The following ISM1 variants were observed in gnomAD, a reference collection of about 807,000 sequenced individuals.
ISM1 encodes isthmin-1.
Under a neutral mutation model 46.3 loss-of-function variants are expected in ISM1, and 25 were observed. The ratio of observed to expected loss-of-function variants is 0.54; its 90% confidence interval spans 0.39 to 0.75. The LOEUF is 0.75. Among genes scored for constraint, ISM1 ranks in the 30% least tolerant of loss-of-function variants. The pLI is 0.00. For missense variants in ISM1, 536 were observed against 625.4 expected, an observed-to-expected ratio of 0.86 and a Z score of 1.52; for synonymous variants, 255 against 256.7, an observed-to-expected ratio of 0.99 and a Z score of 0.06.
chr20:13,289,847 G>A (rs1224674234), intron 4 of ISM1, among the ~76,000 whole-genome samples: 1 of 152,154 alleles, frequency 6.6e-6, no homozygotes, highest in Admixed American at 6.5e-5. Context: ...ATATCTTAGA[G>A]CCTTTCAAGA....
chr20:13,229,534 T>C (rs1161482972), intron 1 of ISM1, among the ~76,000 whole-genome samples: 1 of 152,242 alleles, frequency 6.6e-6, no homozygotes, highest in African/African-American at 2.4e-5. Flanking sequence ...GATAGTCCAC[T>C]GTGTAACTCT....
At position 13,235,636 on chromosome 20, in the gene ISM1, C is replaced by T. The variant is rs143369647; in HGVS notation, c.138+13722C>T. On this transcript the variant is annotated intron_variant, in intron 1 of 5. Transcript: ENST00000262487. ...TGGGTTGCTCTGGCAGCACATGATT[C>T]GGCCCCCACCAAGGGTTGTTTCTGA... Among the ~76,000 whole-genome samples the T allele has an allele frequency of 4.2e-3, 647 of 152,280 alleles. 2 individuals are homozygous for T. The highest frequency in any genetic ancestry group is 0.015 in the African/African-American group (616 of 41,558).
chr20:13,312,106 T>C, the ISM1 span, among the ~76,000 whole-genome samples: 45 of 152,334 alleles, frequency 3.0e-4, no homozygotes, highest in Non-Finnish European at 5.9e-4. Flanking sequence ...TCTTAAAGTG[T>C]TGATACGAGT....
At chr20:13,263,550 A>G (rs918758882) in intron 1 of ISM1, among the ~76,000 whole-genome samples, 4 of 152,178 alleles carry the variant, frequency 2.6e-5, no homozygotes, top group African/African-American at 9.7e-5. Flanking sequence ...AAATGGCAAA[A>G]CTTTTGCTCT....
the ISM1 span, among the ~76,000 whole-genome samples, chr20:13,306,162 G>C: frequency 2.2e-4 from 34 of 152,264 alleles, no homozygotes; most frequent in Non-Finnish European, 4.3e-4. Context: ...TGTCATATTT[G>C]AATTGGGAAA....
chr20:13,263,985 C>G (rs893673811), intron 1 of ISM1, among the ~76,000 whole-genome samples: 10 of 152,010 alleles, frequency 6.6e-5, no homozygotes, highest in Admixed American at 5.9e-4. Flanking sequence ...TCTTTAGAAT[C>G]CCACATAAAA....
At chr20:13,316,595 A>C in the ISM1 span, among the ~76,000 whole-genome samples, 1 of 152,016 alleles carries the variant, frequency 6.6e-6, no homozygotes, top group Admixed American at 6.6e-5. Flanking sequence ...CCCCATGACC[A>C]AGTGGGATTT....
chr20:13,311,250 TAGATA>T, the ISM1 span, among the ~76,000 whole-genome samples: 3,001 of 127,582 alleles, frequency 0.024, 36 homozygotes, highest in Middle Eastern at 0.055. Context: ...AGATGATAGA[TAGATA>T]GATAGATAGA....
intron 1 of ISM1, among the ~76,000 whole-genome samples, chr20:13,223,718 C>A (rs190885335): frequency 5.3e-5 from 8 of 152,260 alleles, no homozygotes; most frequent in Admixed American, 3.9e-4. Flanking sequence ...AATTTCTATG[C>A]GGAAGTTGAA....
At chr20:13,311,063 G>A in the ISM1 span, among the ~76,000 whole-genome samples, 25 of 152,094 alleles carry the variant, frequency 1.6e-4, no homozygotes, top group East Asian at 3.9e-4. Context: ...GCATGGTGGC[G>A]GGTGCCTGTA....
the ISM1 span, among the ~76,000 whole-genome samples, chr20:13,311,705 G>A: frequency 6.6e-6 from 1 of 152,126 alleles, no homozygotes; most frequent in Non-Finnish European, 1.5e-5. Context: ...AATTCTGCGT[G>A]ATCTCACTTA....
intron 1 of ISM1, among the ~76,000 whole-genome samples, chr20:13,227,601 T>C (rs1237028562): frequency 1.3e-5 from 2 of 151,226 alleles, no homozygotes; most frequent in Non-Finnish European, 2.9e-5. Context: ...CTCTGCCTCC[T>C]GGCTTCACGC....
chr20:13,286,844 C>T (rs566156450), intron 3 of ISM1, among the ~76,000 whole-genome samples: 54 of 152,334 alleles, frequency 3.5e-4, no homozygotes, highest in Admixed American at 8.5e-4. Flanking sequence ...ACAATCGCCA[C>T]GACCTGTTAT....
intron 1 of ISM1, among the ~76,000 whole-genome samples, chr20:13,252,207 A>G (rs901804105): frequency 6.6e-5 from 10 of 152,202 alleles, no homozygotes; most frequent in African/African-American, 2.4e-4. Context: ...CAAGTGCACA[A>G]GGGAGATGGT....
chr20:13,311,919 G>A, the ISM1 span, among the ~76,000 whole-genome samples: 2 of 152,026 alleles, frequency 1.3e-5, no homozygotes, highest in Non-Finnish European at 2.9e-5. Context: ...GAAAATTGCT[G>A]AGAGTCTATT....
At chr20:13,324,567 C>T in the ISM1 span, among the ~76,000 whole-genome samples, 1 of 152,194 alleles carries the variant, frequency 6.6e-6, no homozygotes, top group Non-Finnish European at 1.5e-5. Flanking sequence ...TTTCAGTTGG[C>T]TTTAATTATG....
At chr20:13,268,765 C>T (rs192016732) in intron 1 of ISM1, among the ~76,000 whole-genome samples, 12 of 152,128 alleles carry the variant, frequency 7.9e-5, no homozygotes, top group Admixed American at 3.3e-4. Flanking sequence ...AAAATCCATT[C>T]GCAGCTGGGC....
chr20:13,261,612 T>C (rs2039990685), intron 1 of ISM1, among the ~76,000 whole-genome samples: 1 of 152,130 alleles, frequency 6.6e-6, no homozygotes, highest in African/African-American at 2.4e-5. Context: ...ACCCAGACCT[T>C]GAAACTCCTG....
chr20:13,317,342 A>AT, the ISM1 span, among the ~76,000 whole-genome samples: 1 of 152,036 alleles, frequency 6.6e-6, no homozygotes, highest in Non-Finnish European at 1.5e-5. Context: ...GGGAGGCTCA[A>AT]TTTTGTCAAG....
Sources: allele counts gnomAD v4.1 joint callset (sites outside exome capture counted in the v4.1 genomes callset), GRCh38; gene constraint gnomAD v4.1.1; transcripts MANE v1.5; gene names NCBI Gene and HGNC (gene_info 2026-07-23, HGNC 2026-07-21).